LAPTM5: variants seen among roughly 807,000 people sequenced by gnomAD.
LAPTM5 encodes lysosomal-associated transmembrane protein 5.
Under a neutral mutation model 30.1 loss-of-function variants are expected in LAPTM5, and 11 were observed. The observed-to-expected ratio is 0.37, with a 90% CI of 0.23 to 0.60. The LOEUF (loss-of-function observed/expected upper bound fraction) is 0.60. LAPTM5 is among the 20% of genes least tolerant of loss of function. LAPTM5 has a pLI of 0.71. For synonymous variants in LAPTM5, 151 were observed against 137.9 expected, an observed-to-expected ratio of 1.10 and a Z score of -0.67; for missense variants, 324 against 332.5, an observed-to-expected ratio of 0.97 and a Z score of 0.20.
At chr1:30,750,060 T>A (rs1640110339) in intron 1 of LAPTM5, among the ~76,000 whole-genome samples, 1 of 152,208 alleles carries the variant, frequency 6.6e-6, no homozygotes, top group Non-Finnish European at 1.5e-5. Flanking sequence ...CAGGAAGTGC[T>A]GTGACTGGGC....
Position 30,733,863 on chromosome 1 carries a change from C to A in LAPTM5, c.754G>T (p.Gly252Trp), listed in dbSNP as rs779865690. The part of the protein sequence containing the change: ...ALSLPSKTPE[G>W]GPAPPPYSEV Reference sequence around the variant, plus strand: ...GAGTATGGGGGTGGTGCTGGGCCCCCCTCTGGGGTCTTCGATGGCAAAGAC... The same window carrying A: ...GAGTATGGGGGTGGTGCTGGGCCCCACTCTGGGGTCTTCGATGGCAAAGAC... Residue 252 changes from glycine (G) to tryptophan (W), a missense_variant, in exon 8 of 8, where the codon GGG becomes TGG. Transcript: ENST00000294507. 2.0e-5 allele frequency: 32 copies of A among 1,610,664 alleles called. No homozygotes were observed. The highest frequency in any genetic ancestry group is 2.5e-5 in the Non-Finnish European group (30 of 1,179,268).
chr1:30,739,196 C>CA lies in LAPTM5; in HGVS notation c.388-135dup. On this transcript the variant is annotated intron_variant, in intron 4 of 7. Transcript: ENST00000294507. This position sits in a 1 kb window ranked among gnomAD's most constrained non-coding sequence, Gnocchi z 4.2. The stretch of plus-strand genomic sequence containing the variant: ...ATCAGTGACTCTCGTCCCCTGTGCA[C>CA]AGAGAGACATGAACACACAGATGTT... The CA allele has an allele frequency of 8.6e-7, 1 of 1,160,244 alleles. No homozygotes were observed. 71.9% of individuals were successfully genotyped at this position (1,160,244 alleles called of 1,614,324 possible). A position where few individuals can be genotyped will look rare whatever the true frequency, so the allele number is the denominator to read the frequency against.
At chr1:30,757,330 C>T (rs1163753088) in intron 1 of LAPTM5, among the ~76,000 whole-genome samples, 1 of 152,228 alleles carries the variant, frequency 6.6e-6, no homozygotes, top group Non-Finnish European at 1.5e-5. Flanking sequence ...TGGCTTTGCA[C>T]ACAAATAACC....
At chr1:30,738,863 GAC>G in intron 5 of LAPTM5, 75 bp downstream of exon 5, 1 of 1,478,300 alleles carries the variant, frequency 6.8e-7, no homozygotes, top group Non-Finnish European at 9.2e-7. Flanking sequence ...CTAAACCACA[GAC>G]ACACAGAGAC....
chr1:30,755,273 T>C (rs1640194377), intron 1 of LAPTM5, among the ~76,000 whole-genome samples: 1 of 151,708 alleles, frequency 6.6e-6, no homozygotes, highest in South Asian at 2.1e-4. Flanking sequence ...GCTGCTAGTA[T>C]CTAGTAGGTA....
chr1:30,734,128 G>T (rs1370890789), intron 7 of LAPTM5, among the ~76,000 whole-genome samples: 1 of 152,176 alleles, frequency 6.6e-6, no homozygotes, highest in African/African-American at 2.4e-5. Flanking sequence ...TGCCTATTCA[G>T]CATCAAGTCC....
chr1:30,756,227 C>T (rs552899878), intron 1 of LAPTM5, among the ~76,000 whole-genome samples: 3 of 152,312 alleles, frequency 2.0e-5, no homozygotes, highest in East Asian at 3.9e-4. Flanking sequence ...GGTACAGGGA[C>T]ACTCAAAGAG....
rs544469741 is a variant in LAPTM5 at position 30,747,867 on chromosome 1, T to C, written c.88-5318A>G. ...CGGGGAGTGGCTGTTGGGATGTTGT[T>C]GGAGTTGGCGTGGTGATGACAGTGA... On this transcript the variant is annotated intron_variant, in intron 1 of 7. Transcript: ENST00000294507. Among the ~76,000 whole-genome samples, 3 of 152,178 alleles carry C rather than the reference T, an allele frequency of 2.0e-5. No homozygotes were observed. In the South Asian group the frequency reaches 6.2e-4, roughly 32 times the overall value.
chr1:30,751,682 T>A (rs1459122302), intron 1 of LAPTM5, among the ~76,000 whole-genome samples: 1 of 152,046 alleles, frequency 6.6e-6, no homozygotes, highest in African/African-American at 2.4e-5. Flanking sequence ...GAGGTTGCAG[T>A]GAGCCAGGAT....
Position 30,739,705 on chromosome 1 carries a change from T to C in LAPTM5, c.387+104A>G. On this transcript the variant is annotated intron_variant, in intron 4 of 7. Transcript: ENST00000294507. The surrounding 1 kb of genome is among the most constrained non-coding windows in gnomAD (Gnocchi z 4.2). ...AGACACCAGCCAGGAAGAGGGCTCC[T>C]ACCCTCCCCAGCCTGAGCACAGGGC... 1 of 1,351,098 alleles carries C rather than the reference T, an allele frequency of 7.4e-7. No individual in the cohort carries two copies. The highest frequency in any genetic ancestry group is 2.7e-5 in the East Asian group (1 of 37,370). The allele number at this position is 1,351,098 out of a possible 1,614,324, so 83.7% of individuals were successfully genotyped here. A position where few individuals can be genotyped will look rare whatever the true frequency, so the allele number is the denominator to read the frequency against.
intron 1 of LAPTM5, among the ~76,000 whole-genome samples, chr1:30,751,678 G>A (rs553949414): frequency 4.6e-5 from 7 of 152,276 alleles, no homozygotes; most frequent in African/African-American, 1.4e-4. Flanking sequence ...GGCAGAGGTT[G>A]CAGTGAGCCA....
intron 2 of LAPTM5, 138 bp downstream of exon 2, chr1:30,742,318 G>A (rs966155386): frequency 3.2e-6 from 2 of 633,624 alleles, no homozygotes; most frequent in Admixed American, 5.4e-5. Flanking sequence ...GAGGCCCCAA[G>A]AAAGGAAGAC....
At position 30,737,767 on chromosome 1, in the gene LAPTM5, C is replaced by A. The variant is rs186250146; in HGVS notation, c.511-68G>T. The stretch of plus-strand genomic sequence containing the variant: ...GGAATTCCAACAGCACCCACACATC[C>A]GGGAATAATGATCCCACCCTCCACA... On this transcript the variant is annotated intron_variant, in intron 5 of 7. Coordinates refer to ENST00000294507, the MANE Select transcript of LAPTM5 (RefSeq NM_006762.3). 26 of 1,019,314 alleles carry A rather than the reference C, an allele frequency of 2.6e-5. No homozygotes were observed. The East Asian group carries it at 5.9e-4, about 23-fold the overall frequency. 63.1% of individuals were successfully genotyped at this position (1,019,314 alleles called of 1,614,324 possible).
At chr1:30,742,124 T>C (rs3748603) in intron 2 of LAPTM5, 176,726 of 402,324 alleles carry the variant, frequency 0.44, 39,679 homozygotes, top group East Asian at 0.56. Flanking sequence ...GGCTGGATCC[T>C]ATGGTGAGGA....
At position 30,739,853 on chromosome 1, in the gene LAPTM5, T is replaced by G. The variant is rs750546368; in HGVS notation, c.343A>C (p.Ile115Leu). ...AACTTGAGGTAGGCGGGCAGCTCAA[T>G]GTAGGAGCCCAGCAGGGTGAGCAGG... Reference protein sequence around the residue: ...LCLLTLLGSYIELPAYLKLAS... With the variant: ...LCLLTLLGSYLELPAYLKLAS... Residue 115 changes from isoleucine to leucine, a missense_variant, in exon 4 of 8, where the codon ATT becomes CTT. Ile to Leu is a conservative substitution (Grantham distance 5). Coordinates refer to ENST00000294507, the MANE Select transcript of LAPTM5 (RefSeq NM_006762.3). The surrounding 1 kb of genome is among the most constrained non-coding windows in gnomAD (Gnocchi z 4.2). The G allele has an allele frequency of 1.2e-6, 2 of 1,607,714 alleles. No individual in the cohort carries two copies. Among genetic ancestry groups the G allele is most frequent in the Non-Finnish European group, 1.7e-6 (2 of 1,176,738 alleles).
chr1:30,756,351 C>T (rs559722940), intron 1 of LAPTM5, among the ~76,000 whole-genome samples: 18 of 152,320 alleles, frequency 1.2e-4, no homozygotes, highest in African/African-American at 4.3e-4. Flanking sequence ...AGGATGCTGA[C>T]AGCAGGTGCC....
At chr1:30,743,410 GC>G (rs922263033) in intron 1 of LAPTM5, among the ~76,000 whole-genome samples, 38 of 152,138 alleles carry the variant, frequency 2.5e-4, no homozygotes, top group Admixed American at 1.8e-3. Context: ...TGTTGGGGTG[GC>G]CCTAGAAACA....
chr1:30,752,761 G>A (rs1054560073), intron 1 of LAPTM5, among the ~76,000 whole-genome samples: 4 of 152,216 alleles, frequency 2.6e-5, no homozygotes, highest in African/African-American at 9.7e-5. Context: ...GAACTTACCT[G>A]CACGAGGTCA....
chr1:30,756,629 G>A (rs1231932617), intron 1 of LAPTM5, among the ~76,000 whole-genome samples: 1 of 152,158 alleles, frequency 6.6e-6, no homozygotes, highest in African/African-American at 2.4e-5. Context: ...GAACAGCATC[G>A]CCCCCCTGAA....
Sources: gnomAD v4.1 joint callset for allele counts (sites outside exome capture counted in the v4.1 genomes callset) on GRCh38, gnomAD v4.1.1 for gene constraint, Gnocchi (gnomAD v3.1) non-coding constraint, MANE v1.5 for transcripts, NCBI Gene and HGNC (gene_info 2026-07-23, HGNC 2026-07-21) for gene names.